The following COL22A1 variants were observed in gnomAD, a reference collection of about 807,000 sequenced individuals.
COL22A1 encodes the protein collagen type XXII alpha 1 chain, also known as collagen alpha-1(XXII) chain.
A neutral mutation model predicts 248.9 loss-of-function variants in COL22A1; 221 were observed. That is an observed-to-expected ratio of 0.89 (90% CI 0.80 to 0.99). The LOEUF (loss-of-function observed/expected upper bound fraction) is 0.99, where lower values mean the gene tolerates loss of function less well. Among genes scored for constraint, COL22A1 ranks in the 50% least tolerant of loss-of-function variants. COL22A1 has a pLI of 0.00. For synonymous variants in COL22A1, 891 were observed against 793.4 expected, an observed-to-expected ratio of 1.12 and a Z score of -2.07; for missense variants, 2,240 against 2,179.0, an observed-to-expected ratio of 1.03 and a Z score of -0.56.
intron 46 of COL22A1, among the ~76,000 whole-genome samples, chr8:138,648,581 A>C (rs919794446): frequency 8.6e-5 from 13 of 151,432 alleles, no homozygotes; most frequent in African/African-American, 3.1e-4. Flanking sequence ...AAGGCAAAGA[A>C]GGCTTTTTTT....
rs147983327 is a variant in COL22A1, at chr8:138,694,513, G to T, written c.2695C>A (p.Pro899Thr). Residue 899 changes from proline (P) to threonine (T), a missense_variant, in exon 34 of 65, where the codon CCA becomes ACA. Transcript: ENST00000303045. ...GELGPQGPTGPPGAKGQEGAH... is the reference protein window; with the variant it reads ...GELGPQGPTGTPGAKGQEGAH... The stretch of plus-strand genomic sequence containing the variant: ...GGAAGGGATGGTTTTCTTACCGGTG[G>T]TCCAGTGGGTCCCTGAGGCCCCAAT... 11 of 1,614,048 alleles carry T rather than the reference G, an allele frequency of 6.8e-6. No homozygotes were observed. In the East Asian group the frequency reaches 2.5e-4, roughly 36 times the overall value.
At chr8:138,672,940 T>C (rs777110609) in intron 41 of COL22A1, among the ~76,000 whole-genome samples, 25 of 152,304 alleles carry the variant, frequency 1.6e-4, no homozygotes, top group Middle Eastern at 3.4e-3. Flanking sequence ...AGGAGGCTCA[T>C]TTTGTAAGCA....
intron 31 of COL22A1, among the ~76,000 whole-genome samples, chr8:138,701,912 C>T (rs1200324497): frequency 2.0e-5 from 3 of 152,186 alleles, no homozygotes; most frequent in Non-Finnish European, 4.4e-5. Context: ...AGACCATACA[C>T]ATATTGTACG....
At chr8:138,590,750 A>G (rs1449848444) in intron 64 of COL22A1, among the ~76,000 whole-genome samples, 1 of 152,210 alleles carries the variant, frequency 6.6e-6, no homozygotes, top group Non-Finnish European at 1.5e-5. Context: ...CTACCTATAC[A>G]TCTAATTCTG....
intron 1 of COL22A1, among the ~76,000 whole-genome samples, chr8:138,887,885 A>C (rs1195377172): frequency 6.6e-6 from 1 of 152,116 alleles, no homozygotes; most frequent in Non-Finnish European, 1.5e-5. Context: ...GTCACCACCT[A>C]CTTGTTAGCA....
intron 11 of COL22A1, among the ~76,000 whole-genome samples, chr8:138,797,930 G>A (rs999841110): frequency 4.0e-5 from 6 of 151,286 alleles, no homozygotes; most frequent in African/African-American, 1.5e-4. Context: ...TGATTTTTTT[G>A]GTTTAAAGTC....
intron 41 of COL22A1, among the ~76,000 whole-genome samples, chr8:138,670,960 CAAAAAAAAAAAAAA>C (rs60845059): frequency 3.6e-5 from 2 of 55,380 alleles, no homozygotes; most frequent in Non-Finnish European, 3.3e-5. Context: ...GACCTTGTCT[CAAAAAAAAAAAAAA>C]AAAAAAAAAA....
intron 44 of COL22A1, among the ~76,000 whole-genome samples, chr8:138,658,837 GGGA>G (rs945807220): frequency 1.1e-4 from 16 of 150,694 alleles, no homozygotes; most frequent in Admixed American, 3.3e-4. Context: ...GGGACCATTC[GGGA>G]GGAGTATGTT....
At chr8:138,869,666 A>G (rs1283346340) in intron 3 of COL22A1, among the ~76,000 whole-genome samples, 2 of 152,256 alleles carry the variant, frequency 1.3e-5, no homozygotes, top group Non-Finnish European at 2.9e-5. Flanking sequence ...TTCACAGCAC[A>G]TAATCATAAT....
intron 16 of COL22A1, among the ~76,000 whole-genome samples, chr8:138,775,335 C>T (rs984390357): frequency 1.4e-4 from 22 of 152,284 alleles, no homozygotes; most frequent in South Asian, 1.0e-3. Flanking sequence ...AACCATGAAC[C>T]GGCAACAATG....
chr8:138,805,642 T>C (rs1373496290), intron 10 of COL22A1, among the ~76,000 whole-genome samples: 1 of 146,790 alleles, frequency 6.8e-6, no homozygotes, highest in Non-Finnish European at 1.5e-5. Flanking sequence ...TGTGATGGTA[T>C]GTGTGATGGT....
At chr8:138,685,918 C>T (rs1826312426) in intron 37 of COL22A1, among the ~76,000 whole-genome samples, 1 of 152,178 alleles carries the variant, frequency 6.6e-6, no homozygotes, top group African/African-American at 2.4e-5. Flanking sequence ...TGACGACCTC[C>T]CACCCAGTGC....
At chr8:138,659,786 C>T (rs1823621218) in intron 44 of COL22A1, among the ~76,000 whole-genome samples, 1 of 152,202 alleles carries the variant, frequency 6.6e-6, no homozygotes, top group Non-Finnish European at 1.5e-5. Context: ...GGCCACATTG[C>T]CAAGGAACCA....
intron 27 of COL22A1, 151 bp from the exon 28 acceptor site, chr8:138,717,020 G>A (rs1829490562): frequency 1.5e-6 from 1 of 651,172 alleles, no homozygotes; most frequent in Non-Finnish European, 2.7e-6. Context: ...CAAGAGTCAT[G>A]GGCTCTGAAG....
At chr8:138,885,057 G>A (rs1025259881) in intron 1 of COL22A1, among the ~76,000 whole-genome samples, 4 of 152,098 alleles carry the variant, frequency 2.6e-5, no homozygotes, top group Non-Finnish European at 5.9e-5. Context: ...GGGGAAGCGA[G>A]CTGAATGCAC....
chr8:138,866,536 A>C (rs1311583977), intron 3 of COL22A1, among the ~76,000 whole-genome samples: 2 of 152,184 alleles, frequency 1.3e-5, no homozygotes, highest in Non-Finnish European at 2.9e-5. Context: ...TCAACTCAAA[A>C]CAAAAACCCC....
At chr8:138,902,075 C>T (rs1009128787) in intron 1 of COL22A1, among the ~76,000 whole-genome samples, 1 of 152,114 alleles carries the variant, frequency 6.6e-6, no homozygotes, top group African/African-American at 2.4e-5. Context: ...ATGCTGCAGG[C>T]ACAGGGGAGG....
intron 6 of COL22A1, 73 bp downstream of exon 6, chr8:138,826,584 TG>T: frequency 6.7e-7 from 1 of 1,502,728 alleles, no homozygotes; most frequent in Non-Finnish European, 9.2e-7. Context: ...GAAAACATGG[TG>T]GGTGGTGCCA....
chr8:138,826,315 A>C (rs112451671), intron 6 of COL22A1, among the ~76,000 whole-genome samples: 12 of 152,214 alleles, frequency 7.9e-5, no homozygotes, highest in African/African-American at 2.9e-4. Flanking sequence ...CCTCCACTGC[A>C]TCACGAAGCT....
Sources: allele counts gnomAD v4.1 joint callset (sites outside exome capture counted in the v4.1 genomes callset), GRCh38; gene constraint gnomAD v4.1.1; transcripts MANE v1.5; gene names NCBI Gene and HGNC (gene_info 2026-07-23, HGNC 2026-07-21).